The following AIG1 variants were observed in gnomAD, a reference collection of about 807,000 sequenced individuals.
AIG1 encodes the protein androgen-induced gene 1 protein.
In AIG1, 23 loss-of-function variants were observed where a neutral mutation model predicts 31.4. The ratio of observed to expected loss-of-function variants is 0.73; its 90% CI spans 0.53 to 1.04. AIG1 has a LOEUF of 1.04. AIG1 is among the 50% of genes least tolerant of loss of function. The pLI is 0.00. For missense variants in AIG1, 274 were observed against 295.0 expected (o/e 0.93, Z 0.52); for synonymous variants, 100 against 110.5 (o/e 0.90, Z 0.60).
intron 4 of AIG1, among the ~76,000 whole-genome samples, chr6:143,287,821 A>G (rs1797796395): frequency 6.6e-6 from 1 of 151,648 alleles, no homozygotes. Flanking sequence ...TAGTATAAAC[A>G]GTAATGTTTC....
chr6:143,148,360 T>A (rs1784883751), intron 2 of AIG1, among the ~76,000 whole-genome samples: 2 of 141,296 alleles, frequency 1.4e-5, no homozygotes, highest in Non-Finnish European at 1.5e-5. Context: ...AAAAAAAAAA[T>A]TAGCTAAGTG....
chr6:143,193,277 G>A (rs181412555), intron 3 of AIG1, among the ~76,000 whole-genome samples: 5 of 152,226 alleles, frequency 3.3e-5, no homozygotes, highest in Admixed American at 2.6e-4. Flanking sequence ...CCTCTGACAC[G>A]GTTAGTGCCT....
At chr6:143,174,906 G>A (rs555042828) in intron 3 of AIG1, among the ~76,000 whole-genome samples, 10 of 152,124 alleles carry the variant, frequency 6.6e-5, no homozygotes, top group Non-Finnish European at 1.2e-4. Flanking sequence ...TATAGGTACT[G>A]TAAGATTTAT....
chr6:143,125,330 G>A (rs1449356721), intron 1 of AIG1, among the ~76,000 whole-genome samples: 1 of 152,118 alleles, frequency 6.6e-6, no homozygotes, highest in Non-Finnish European at 1.5e-5. Context: ...GCACTTAAAA[G>A]CATATTCACC....
At chr6:143,143,022 C>T (rs1350406407) in intron 2 of AIG1, among the ~76,000 whole-genome samples, 2 of 152,170 alleles carry the variant, frequency 1.3e-5, no homozygotes, top group South Asian at 2.1e-4. Flanking sequence ...TTAAAAATCG[C>T]AGTTTCATTA....
In AIG1 at chr6:143,329,649, C is replaced by T. The variant is rs1438207329; in HGVS notation, c.516-3633C>T. ...AAACAAGTAGTCAGCAGATGACAGCCGGTGTGCCAAATCCAGCCCACCACC... is the reference window on the plus strand; with the variant it reads ...AAACAAGTAGTCAGCAGATGACAGCTGGTGTGCCAAATCCAGCCCACCACC... On this transcript the variant is annotated intron_variant, in intron 4 of 5. Coordinates refer to ENST00000357847, the MANE Select transcript of AIG1 (RefSeq NM_016108.4). The surrounding 1 kb of genome is among the most constrained non-coding windows in gnomAD (Gnocchi z 4.9). 6.6e-6 allele frequency among the ~76,000 whole-genome samples: 1 copy of T among 151,892 alleles called. No homozygotes were observed. Among genetic ancestry groups the T allele is most frequent in the Admixed American group, 6.6e-5 (1 of 15,174 alleles).
rs35498304 is a variant in AIG1, at chr6:143,331,846, T to TTTA, written c.516-1397_516-1395dup. ...AAATGAGGTACATGTGTAGGTAATGTTTATTATTATTATTATTATTATTAT... is the reference window on the plus strand; with the variant it reads ...AAATGAGGTACATGTGTAGGTAATGTTTATTATTATTATTATTATTATTATTAT... On this transcript the variant is annotated intron_variant, in intron 4 of 5. Transcript: ENST00000357847. The surrounding 1 kb of genome is among the most constrained non-coding windows in gnomAD (Gnocchi z 4.1). Among the ~76,000 whole-genome samples, 27,050 of 137,436 alleles carry TTTA rather than the reference T, an allele frequency of 0.2. 2,865 individuals are homozygous for TTTA. The highest frequency in any genetic ancestry group is 0.43 in the East Asian group (1,990 of 4,596). 90.2% of individuals were successfully genotyped at this position (137,436 alleles called of 152,430 possible). A position where few individuals can be genotyped will look rare whatever the true frequency, so the allele number is the denominator to read the frequency against.
At chr6:143,191,531 T>C (rs1442451895) in intron 3 of AIG1, among the ~76,000 whole-genome samples, 1 of 152,180 alleles carries the variant, frequency 6.6e-6, no homozygotes, top group Non-Finnish European at 1.5e-5. Flanking sequence ...CTCATTACTT[T>C]TCCATGAATC....
chr6:143,302,494 G>A (rs974436653), intron 4 of AIG1, among the ~76,000 whole-genome samples: 14 of 151,610 alleles, frequency 9.2e-5, no homozygotes, highest in East Asian at 7.7e-4. Flanking sequence ...TTGTTCTTGC[G>A]ATAGTTTACT....
At chr6:143,133,429 A>T (rs867011011) in intron 1 of AIG1, among the ~76,000 whole-genome samples, 1 of 152,050 alleles carries the variant, frequency 6.6e-6, no homozygotes, top group African/African-American at 2.4e-5. Context: ...TGTTTAGCCT[A>T]TTGCTTGTAG....
At chr6:143,158,992 AAAG>A (rs1318366594) in intron 2 of AIG1, among the ~76,000 whole-genome samples, 2 of 152,244 alleles carry the variant, frequency 1.3e-5, no homozygotes, top group African/African-American at 4.8e-5. Context: ...GCCACAGAAC[AAAG>A]AAGAACTGAG....
chr6:143,225,140 C>T (rs1325195349), intron 3 of AIG1, among the ~76,000 whole-genome samples: 1 of 152,196 alleles, frequency 6.6e-6, no homozygotes, highest in Non-Finnish European at 1.5e-5. Context: ...GTCTTCCCTC[C>T]TGTCTCTGCC....
At chr6:143,132,187 A>C (rs1783300708) in intron 1 of AIG1, among the ~76,000 whole-genome samples, 1 of 152,146 alleles carries the variant, frequency 6.6e-6, no homozygotes. Flanking sequence ...AAAATCTTTT[A>C]TATTTATTTT....
At chr6:143,272,782 A>G (rs1391405623) in intron 3 of AIG1, among the ~76,000 whole-genome samples, 1 of 152,206 alleles carries the variant, frequency 6.6e-6, no homozygotes, top group Non-Finnish European at 1.5e-5. Flanking sequence ...GTTGAATCAC[A>G]TAGTAAGGGC....
At chr6:143,239,200 A>T (rs1365867131) in intron 3 of AIG1, among the ~76,000 whole-genome samples, 1 of 152,114 alleles carries the variant, frequency 6.6e-6, no homozygotes, top group Non-Finnish European at 1.5e-5. Flanking sequence ...TGAGGGGAGG[A>T]TGTATAGCGG....
At chr6:143,074,224 A>G (rs1434838551) in intron 1 of AIG1, among the ~76,000 whole-genome samples, 1 of 152,228 alleles carries the variant, frequency 6.6e-6, no homozygotes, top group Non-Finnish European at 1.5e-5. Flanking sequence ...TTGCTGTGCA[A>G]AAGACTTTTA....
chr6:143,115,367 G>T (rs1187789323), intron 1 of AIG1, among the ~76,000 whole-genome samples: 1 of 152,070 alleles, frequency 6.6e-6, no homozygotes, highest in Non-Finnish European at 1.5e-5. Context: ...AAAGCATGTG[G>T]CAAAAATAAT....
chr6:143,323,213 A>T (rs1776356389), intron 4 of AIG1, among the ~76,000 whole-genome samples: 1 of 152,206 alleles, frequency 6.6e-6, no homozygotes, highest in Admixed American at 6.5e-5. Context: ...GCCCAGTGCA[A>T]AATAAAAATG....
intron 1 of AIG1, among the ~76,000 whole-genome samples, chr6:143,124,171 G>A (rs1226534688): frequency 2.0e-5 from 3 of 152,146 alleles, no homozygotes; most frequent in African/African-American, 7.2e-5. Flanking sequence ...TTCCTTAGCA[G>A]ACTGGATTTT....
Sources: gnomAD v4.1 joint callset for allele counts (sites outside exome capture counted in the v4.1 genomes callset) on GRCh38, gnomAD v4.1.1 for gene constraint, Gnocchi (gnomAD v3.1) non-coding constraint, MANE v1.5 for transcripts, NCBI Gene and HGNC (gene_info 2026-07-23, HGNC 2026-07-21) for gene names.